TAFA4: variants seen among roughly 807,000 people sequenced by gnomAD.
The protein encoded by TAFA4 is chemokine-like protein TAFA-4.
TAFA4 carries 20 observed loss-of-function variants against 21.1 expected under a neutral mutation model. The observed-to-expected ratio is 0.95, with a 90% CI of 0.67 to 1.38. The LOEUF (loss-of-function observed/expected upper bound fraction) is 1.38. Among genes scored for constraint, TAFA4 ranks in the 40% most tolerant of loss-of-function variants. The probability of loss-of-function intolerance (pLI) is 0.00; values close to 1 mark genes in which losing one functional copy is unlikely to be tolerated. For missense variants in TAFA4, 211 were observed against 180.9 expected (o/e 1.17, Z -0.95); for synonymous variants, 71 against 67.4 (o/e 1.05, Z -0.26).
In TAFA4 at chr3:68,841,808, G is replaced by A. The variant is rs1051975429; in HGVS notation, c.130+38922C>T. Among the ~76,000 whole-genome samples the A allele has an allele frequency of 3.3e-5, 5 of 151,626 alleles. No individual in the cohort carries two copies. In the East Asian group the frequency reaches 7.7e-4, roughly 23 times the overall value. ...GAGAACATGCAGTGTTTGGTTATTC[G>A]TCCTTGTGATATTTTGCTGAGAATG... On this transcript the variant is annotated intron_variant, in intron 3 of 5. Coordinates refer to ENST00000295569, the MANE Select transcript of TAFA4 (RefSeq NM_182522.5).
rs1262559314 is a variant in TAFA4, at chr3:68,732,324, G to C, written c.*818C>G. ...AAATTTGATCTAAGAAATAACCCTT[G>C]ATCTAAATTGAGATTGTTTTATATT... On this transcript the variant is annotated 3_prime_UTR_variant, in exon 6 of 6. Transcript: ENST00000295569. The C allele has an allele frequency of 6.6e-6, 1 of 152,330 alleles. No individual in the cohort carries two copies. The highest frequency in any genetic ancestry group is 1.5e-5 in the Non-Finnish European group (1 of 67,978). 9.4% of individuals were successfully genotyped at this position (152,330 alleles called of 1,614,324 possible).
At chr3:68,838,572 C>G (rs1034998514) in intron 3 of TAFA4, among the ~76,000 whole-genome samples, 1 of 152,172 alleles carries the variant, frequency 6.6e-6, no homozygotes, top group Non-Finnish European at 1.5e-5. Context: ...CAGACATTTT[C>G]TGTGAAGGGC....
Position 68,811,506 on chromosome 3 carries a change from C to T in TAFA4, c.131-58488G>A, listed in dbSNP as rs1013129478. The stretch of plus-strand genomic sequence containing the variant: ...GACCTGATGGAGCTGAAAACCATGG[C>T]ACGAGAACTACATGATGAATGCACA... On this transcript the variant is annotated intron_variant, in intron 3 of 5. Transcript: ENST00000295569. Among the ~76,000 whole-genome samples, 17 of 152,246 alleles carry T rather than the reference C, an allele frequency of 1.1e-4. 2 individuals are homozygous for T. In the South Asian group the frequency reaches 3.5e-3, roughly 32 times the overall value.
rs1249131373 is a variant in TAFA4, at chr3:68,812,771, C to T, written c.131-59753G>A. Among the ~76,000 whole-genome samples, 3 of 151,976 alleles carry T rather than the reference C, an allele frequency of 2.0e-5. No individual in the cohort carries two copies. The East Asian group carries it at 5.8e-4, about 29-fold the overall frequency. On this transcript the variant is annotated intron_variant, in intron 3 of 5. Coordinates refer to ENST00000295569, the MANE Select transcript of TAFA4 (RefSeq NM_182522.5). ...GTCAACATTAGACAGATCAACAAGACCGAAAGTTAAGAAGGATACCCAGGA... is the reference window on the plus strand; with the variant it reads ...GTCAACATTAGACAGATCAACAAGATCGAAAGTTAAGAAGGATACCCAGGA...
intron 1 of TAFA4, among the ~76,000 whole-genome samples, chr3:68,924,238 T>A (rs796080747): frequency 1.6e-4 from 25 of 152,238 alleles, no homozygotes; most frequent in African/African-American, 6.0e-4. Context: ...AAAAAACAAA[T>A]GTCCATTGAA....
chr3:68,921,225 C>T lies in TAFA4; in HGVS notation c.-123+11015G>A, dbSNP rs149030360. Among the ~76,000 whole-genome samples the T allele has an allele frequency of 4.8e-4, 73 of 152,138 alleles. 1 individual carries two copies. The highest frequency in any genetic ancestry group is 1.7e-3 in the African/African-American group (69 of 41,516). On this transcript the variant is annotated intron_variant, in intron 1 of 5. Coordinates refer to ENST00000295569, the MANE Select transcript of TAFA4 (RefSeq NM_182522.5). ...TGTAATTAAAACACAGCTCTGGAGA[C>T]GAAGGAGGTTAAATGACTCTGACCC...
In TAFA4 at chr3:68,739,148, C is replaced by T. The variant is rs752453217; in HGVS notation, c.338G>A (p.Gly113Glu). Residue 113 changes from glycine to glutamate, a missense_variant, in exon 5 of 6, where the codon GGA (glycine) becomes GAA (glutamate). Transcript: ENST00000295569. ...WWCHMNPCLEGEDCKVLPDYS... is the reference protein window; with the variant it reads ...WWCHMNPCLEEEDCKVLPDYS... ...ATCTGGCAGCACTTTACAATCCTCT[C>T]CTTCCAAACACGGATTCATGTGACA... is the stretch of plus-strand genomic sequence containing the variant. The T allele has an allele frequency of 1.2e-6, 2 of 1,614,004 alleles. No individual in the cohort carries two copies. Among genetic ancestry groups the T allele is most frequent in the Non-Finnish European group, 1.7e-6 (2 of 1,179,908 alleles).
At chr3:68,819,850 T>C (rs758422077) in intron 3 of TAFA4, among the ~76,000 whole-genome samples, 44 of 152,180 alleles carry the variant, frequency 2.9e-4, no homozygotes, top group Non-Finnish European at 5.7e-4. Context: ...TGTAAATTAA[T>C]AAAGCCATTA....
intron 3 of TAFA4, among the ~76,000 whole-genome samples, chr3:68,816,783 C>A (rs77475739): frequency 2.4e-3 from 357 of 146,102 alleles, no homozygotes; most frequent in African/African-American, 8.4e-3. Flanking sequence ...TTTATTTCCC[C>A]GTGCATATAA....
At chr3:68,921,141 T>C (rs2090057509) in intron 1 of TAFA4, among the ~76,000 whole-genome samples, 1 of 152,068 alleles carries the variant, frequency 6.6e-6, no homozygotes, top group Admixed American at 6.6e-5. Flanking sequence ...AGTACAAACC[T>C]AGTCGCACGC....
intron 4 of TAFA4, among the ~76,000 whole-genome samples, chr3:68,741,098 T>C (rs1702342500): frequency 6.6e-6 from 1 of 152,152 alleles, no homozygotes; most frequent in Non-Finnish European, 1.5e-5. Flanking sequence ...AACTCTGTTC[T>C]TCTTTTTCAA....
intron 3 of TAFA4, among the ~76,000 whole-genome samples, chr3:68,807,781 T>A (rs1330394818): frequency 6.6e-6 from 1 of 152,196 alleles, no homozygotes. Flanking sequence ...ATCACCTACA[T>A]AAGATTGCTT....
At chr3:68,866,356 C>A (rs4104180) in intron 3 of TAFA4, among the ~76,000 whole-genome samples, 103,974 of 151,640 alleles carry the variant, frequency 0.69, 36,138 homozygotes, top group South Asian at 0.83. Flanking sequence ...ATCTGGGCTT[C>A]AGGCACCATC....
At chr3:68,749,340 G>A (rs1702519216) in intron 4 of TAFA4, among the ~76,000 whole-genome samples, 1 of 151,936 alleles carries the variant, frequency 6.6e-6, no homozygotes, top group Admixed American at 6.6e-5. Context: ...ATTAATTAGT[G>A]CCCCATGCCA....
Position 68,875,847 on chromosome 3 carries a change from A to T in TAFA4, c.130+4883T>A, listed in dbSNP as rs183018731. Among the ~76,000 whole-genome samples, 689 of 152,162 alleles carry T rather than the reference A, an allele frequency of 4.5e-3. 4 individuals are homozygous for T. Among genetic ancestry groups the T allele is most frequent in the Non-Finnish European group, 6.6e-3 (447 of 68,016 alleles). ...TCATCAGGAAACAGAACTCTTCCCCATTCTTTATTACTTGAGGTTACGAAT... is the reference window on the plus strand; with the variant it reads ...TCATCAGGAAACAGAACTCTTCCCCTTTCTTTATTACTTGAGGTTACGAAT... On this transcript the variant is annotated intron_variant, in intron 3 of 5. Transcript: ENST00000295569.
rs575737630 is a variant in TAFA4, at chr3:68,830,224, T to C, written c.130+50506A>G. On this transcript the variant is annotated intron_variant, in intron 3 of 5. Transcript: ENST00000295569. ...CTGATCTTAGTTATTTCTTGTCTTC[T>C]GCTAGCTTTTGAATTTGTTTGCTCT... Among the ~76,000 whole-genome samples the C allele has an allele frequency of 2.6e-5, 4 of 152,372 alleles. No homozygotes were observed. The South Asian group carries it at 8.3e-4, about 32-fold the overall frequency.
intron 3 of TAFA4, among the ~76,000 whole-genome samples, chr3:68,845,324 T>A (rs552576809): frequency 6.6e-6 from 1 of 152,216 alleles, no homozygotes; most frequent in Non-Finnish European, 1.5e-5. Flanking sequence ...GAGACTAGTA[T>A]TGCAACCCCT....
chr3:68,754,346 T>C (rs1401124153), intron 3 of TAFA4, among the ~76,000 whole-genome samples: 1 of 152,222 alleles, frequency 6.6e-6, no homozygotes, highest in Non-Finnish European at 1.5e-5. Flanking sequence ...TTCATTAGCC[T>C]CCTTTATTCA....
chr3:68,783,693 G>GAAA (rs1703191195), intron 3 of TAFA4, among the ~76,000 whole-genome samples: 5 of 111,938 alleles, frequency 4.5e-5, no homozygotes, highest in Non-Finnish European at 7.1e-5. Context: ...GAGAGAGAGA[G>GAAA]AGAGAGAGAG....
Sources: gnomAD v4.1 joint callset for allele counts (sites outside exome capture counted in the v4.1 genomes callset) on GRCh38, gnomAD v4.1.1 for gene constraint, MANE v1.5 for transcripts, NCBI Gene and HGNC (gene_info 2026-07-23, HGNC 2026-07-21) for gene names.